Variants in HPS1 observed in about 807,000 individuals in gnomAD.
HPS1 encodes the protein HPS1 biogenesis of lysosomal organelles complex 3 subunit 1, also known as BLOC-3 complex member HPS1.
HPS1 carries 59 observed loss-of-function variants against 90.6 expected under a neutral mutation model. The observed-to-expected ratio is 0.65, with a 90% CI of 0.53 to 0.81. The LOEUF is 0.81. HPS1 is among the 30% of genes least tolerant of loss of function. The pLI is 0.00. For synonymous variants in HPS1, 388 were observed against 384.4 expected (o/e 1.01, Z -0.11); for missense variants, 849 against 896.7 (o/e 0.95, Z 0.68).
intron 1 of HPS1, among the ~76,000 whole-genome samples, chr10:98,446,533 T>C (rs940088305): frequency 1.3e-5 from 2 of 152,060 alleles, no homozygotes; most frequent in African/African-American, 4.8e-5. Context: ...GCCCTGCCCC[T>C]GAGTCTCTGG....
At chr10:98,418,011 C>T (rs933841940) in intron 19 of HPS1, 164 bp downstream of exon 19, 5 of 645,152 alleles carry the variant, frequency 7.8e-6, no homozygotes, top group East Asian at 2.7e-5. Context: ...CCTCCACACC[C>T]GTCCTCCCTC....
Position 98,429,826 on chromosome 10 carries a change from A to G in HPS1, c.832T>C (p.Ser278Pro), listed in dbSNP as rs1846155435. Reference protein sequence around the residue: ...IPVQQAWSPHSTGPTGGSSAE... With the variant: ...IPVQQAWSPHPTGPTGGSSAE... ...GAGCTCCCCCCAGTTGGGCCCGTGG[A>G]GTGAGGGCTCCAGGCCTGCTGCACG... Residue 278 changes from serine (S) to proline (P), a missense_variant, in exon 9 of 20, where the codon TCC becomes CCC. By Grantham distance (74) the Ser-to-Pro change is moderately conservative (BLOSUM62 -1). Coordinates refer to ENST00000361490, the MANE Select transcript of HPS1 (RefSeq NM_000195.5). 2 of 1,613,700 alleles carry G rather than the reference A, an allele frequency of 1.2e-6. No individual in the cohort carries two copies. Among genetic ancestry groups the G allele is most frequent in the Admixed American group, 1.7e-5 (1 of 60,030 alleles).
chr10:98,440,265 A>T (rs868803924), intron 3 of HPS1, among the ~76,000 whole-genome samples: 2 of 152,238 alleles, frequency 1.3e-5, no homozygotes, highest in Non-Finnish European at 1.5e-5. Flanking sequence ...TTTTGACTCA[A>T]CATTTTTATT....
chr10:98,446,632 C>A (rs1939639510), intron 1 of HPS1, among the ~76,000 whole-genome samples, 175 bp downstream of exon 1: 1 of 152,090 alleles, frequency 6.6e-6, no homozygotes, highest in Non-Finnish European at 1.5e-5. Flanking sequence ...TCCCCACCTC[C>A]CCCCACCCCC....
At position 98,435,743 on chromosome 10, in the gene HPS1, G is replaced by A. The variant is rs1318989724; in HGVS notation, c.147C>T (p.Thr49=). 18 of 1,614,090 alleles carry A rather than the reference G, an allele frequency of 1.1e-5. No individual in the cohort carries two copies. The highest frequency in any genetic ancestry group is 1.5e-5 in the Non-Finnish European group (18 of 1,180,042). The part of the protein sequence containing the change: ...ELPALEDQLS[T]LLAPVIISSM... ...AGGAGATGATGACCGGGGCTAGGAG[G>A]GTGCTGAGCTGGTCCTCCAGGGCAG... The change falls in exon 4 of 20, where the codon ACC becomes ACT. Residue 49 remains threonine (T), a synonymous_variant. Transcript: ENST00000361490. This position sits in a 1 kb window ranked among gnomAD's most constrained non-coding sequence, Gnocchi z 4.3.
At chr10:98,444,447 A>C (rs1939092864) in intron 2 of HPS1, among the ~76,000 whole-genome samples, 2 of 152,152 alleles carry the variant, frequency 1.3e-5, no homozygotes, top group Admixed American at 1.3e-4. Context: ...ACAGTGCTCC[A>C]GGCTGGCTGC....
chr10:98,435,344 A>T lies in HPS1; in HGVS notation c.326T>A (p.Leu109Gln). ...TESEGDLRRK[L>Q]YVLKYLFEVH... ...TTCAAACAGGTACTTGAGCACATAC[A>T]GCTTCCGCCGCAGGTCCCCCTCGCT... The change falls in exon 5 of 20, where the codon CTG (leucine) becomes CAG (glutamine). Residue 109 changes from leucine to glutamine, a missense_variant. Physicochemically the swap from Leu to Gln is moderately radical, Grantham distance 113 (BLOSUM62 -2). Coordinates refer to ENST00000361490, the MANE Select transcript of HPS1 (RefSeq NM_000195.5). The surrounding 1 kb of genome is among the most constrained non-coding windows in gnomAD (Gnocchi z 4.3). 1 of 1,613,648 alleles carries T rather than the reference A, an allele frequency of 6.2e-7. No homozygotes were observed. Among genetic ancestry groups the T allele is most frequent in the East Asian group, 2.2e-5 (1 of 44,820 alleles).
At chr10:98,444,642 C>T (rs1240825506) in intron 2 of HPS1, among the ~76,000 whole-genome samples, 1 of 152,218 alleles carries the variant, frequency 6.6e-6, no homozygotes, top group African/African-American at 2.4e-5. Flanking sequence ...TCTTGTGTTC[C>T]GTCATCCCCA....
chr10:98,440,291 T>C (rs1330572177), intron 3 of HPS1, among the ~76,000 whole-genome samples: 1 of 152,218 alleles, frequency 6.6e-6, no homozygotes, highest in Non-Finnish European at 1.5e-5. Context: ...GAATTTATCC[T>C]AAATTTATCC....
intron 6 of HPS1, among the ~76,000 whole-genome samples, chr10:98,431,936 T>C (rs1193758328): frequency 6.6e-6 from 1 of 152,268 alleles, no homozygotes; most frequent in African/African-American, 2.4e-5. Flanking sequence ...TTTTACATTC[T>C]TTTTTGTGCT....
intron 16 of HPS1, 44 bp from the exon 17 acceptor site, chr10:98,422,557 C>T (rs766089667): frequency 1.7e-5 from 28 of 1,601,840 alleles, no homozygotes; most frequent in Middle Eastern, 1.6e-4. Flanking sequence ...GAGCTAGGGA[C>T]GGCCTGCCTC....
At chr10:98,439,577 T>C (rs1164715759) in intron 3 of HPS1, among the ~76,000 whole-genome samples, 1 of 152,248 alleles carries the variant, frequency 6.6e-6, no homozygotes, top group Non-Finnish European at 1.5e-5. Context: ...CCAATGCCTA[T>C]ACCCCCATTG....
chr10:98,438,509 G>T (rs923911488), intron 3 of HPS1, among the ~76,000 whole-genome samples: 14 of 152,214 alleles, frequency 9.2e-5, no homozygotes, highest in Admixed American at 3.3e-4. Flanking sequence ...AGAGATCTGT[G>T]CAACTTTGAA....
intron 13 of HPS1, among the ~76,000 whole-genome samples, chr10:98,424,750 G>C (rs1375954467): frequency 1.3e-5 from 2 of 152,086 alleles, no homozygotes; most frequent in South Asian, 2.1e-4. Context: ...GTGGGCATGG[G>C]GTAGCCATGC....
chr10:98,418,668 G>T (rs949047951), intron 18 of HPS1, among the ~76,000 whole-genome samples: 1 of 152,248 alleles, frequency 6.6e-6, no homozygotes, highest in Non-Finnish European at 1.5e-5. Flanking sequence ...GACGTGCCGT[G>T]TGTGCCAGGC....
intron 2 of HPS1, among the ~76,000 whole-genome samples, chr10:98,443,660 G>T (rs1458228563): frequency 6.6e-6 from 1 of 152,202 alleles, no homozygotes; most frequent in Non-Finnish European, 1.5e-5. Flanking sequence ...ACGGCAGCCA[G>T]TTAGTGCCTG....
At chr10:98,423,975 AC>A in intron 14 of HPS1, 88 bp from the exon 15 acceptor site, 18 of 1,530,878 alleles carry the variant, frequency 1.2e-5, no homozygotes, top group Non-Finnish European at 1.5e-5. Context: ...TGCACCCAGG[AC>A]AGACAGACCT....
Position 98,422,489 on chromosome 10 carries a change from C to A in HPS1, c.1623G>T (p.Leu541Phe). Residue 541 changes from leucine to phenylalanine, a missense_variant, in exon 17 of 20, where the codon TTG becomes TTT. Transcript: ENST00000361490. ...TGCGGTCCACATAGATGAAGTGCAC[C>A]AAGCCTGGGAAGTCTTCTAGGTAGG... ...MVSYLEDFPG[L>F]VHFIYVDRTT... is the part of the protein sequence containing the mutation. 6.2e-7 allele frequency: 1 copy of A among 1,614,144 alleles called. No individual in the cohort carries two copies. Among genetic ancestry groups the A allele is most frequent in the Non-Finnish European group, 8.5e-7 (1 of 1,180,020 alleles).
rs948085283 is a variant in HPS1 at position 98,417,493 on chromosome 10, G to A, written c.*71C>T. ...TGGCCACTGCAGACAGGAGGCTCTCGTCATGGGGAACAGTGGCAAGCAAGG... is the reference window on the plus strand; with the variant it reads ...TGGCCACTGCAGACAGGAGGCTCTCATCATGGGGAACAGTGGCAAGCAAGG... On this transcript the variant is annotated 3_prime_UTR_variant, in exon 20 of 20. Transcript: ENST00000361490. This position sits in a 1 kb window ranked among gnomAD's most constrained non-coding sequence, Gnocchi z 4.2. 1.1e-5 allele frequency: 15 copies of A among 1,395,236 alleles called. No individual in the cohort carries two copies. The highest frequency in any genetic ancestry group is 5.2e-5 in the South Asian group (4 of 77,056). 86.4% of individuals were successfully genotyped at this position (1,395,236 alleles called of 1,614,324 possible). A position where few individuals can be genotyped will look rare whatever the true frequency, so the allele number is the denominator to read the frequency against.
Sources: allele counts gnomAD v4.1 joint callset (sites outside exome capture counted in the v4.1 genomes callset), GRCh38; gene constraint gnomAD v4.1.1; non-coding constraint Gnocchi (gnomAD v3.1); transcripts MANE v1.5; gene names NCBI Gene and HGNC (gene_info 2026-07-23, HGNC 2026-07-21).